STRN4: variants seen among roughly 807,000 people sequenced by gnomAD.
STRN4 encodes striatin 4.
A neutral mutation model predicts 77.9 loss-of-function variants in STRN4; 27 were observed. The observed-to-expected ratio is 0.35, with a 90% CI of 0.26 to 0.48. STRN4 has a LOEUF of 0.48. Ranked by LOEUF, STRN4 falls within the 20% of genes least tolerant of loss-of-function variation. The pLI is 0.99. For missense variants in STRN4, 798 were observed against 1,049.7 expected (o/e 0.76, Z 3.31); for synonymous variants, 466 against 443.1 (o/e 1.05, Z -0.65).
chr19:46,727,352 G>T, intron 9 of STRN4, 100 bp downstream of exon 9: 1 of 1,003,428 alleles, frequency 1.0e-6, no homozygotes, highest in Non-Finnish European at 1.5e-6. Context: ...CTGTGAAACA[G>T]GATGAGCAGG....
Position 46,746,370 on chromosome 19 carries a change from C to G in STRN4, c.61G>C (p.Gly21Arg). 1 of 1,146,972 alleles carries G rather than the reference C, an allele frequency of 8.7e-7. No individual in the cohort carries two copies. The highest frequency in any genetic ancestry group is 1.1e-6 in the Non-Finnish European group (1 of 935,296). The allele number at this position is 1,146,972 out of a possible 1,614,324, so 71.0% of individuals were successfully genotyped here. ...GTGGGGCCAGGGCCCGCGCCTGAGC[C>G]GAGCGGACGGCAGGAGGAGGCGGCG... ...AAAASSCRPLGSGAGPGPTGA... is the reference protein window; with the variant it reads ...AAAASSCRPLRSGAGPGPTGA... Residue 21 changes from glycine to arginine, a missense_variant, in exon 1 of 18, where the codon GGC becomes CGC. Around this residue, in one of 2 missense-constraint regions of STRN4, gnomAD observed 511 missense variants for 575.9 expected, o/e 0.89. Transcript: ENST00000263280.
At chr19:46,728,420 TG>T in intron 7 of STRN4, 197 bp downstream of exon 7, 1 of 725,632 alleles carries the variant, frequency 1.4e-6, no homozygotes, top group Non-Finnish European at 2.2e-6. Context: ...TGCGTCTCCA[TG>T]GGGATTTTCC....
intron 16 of STRN4, 153 bp downstream of exon 16, chr19:46,721,833 G>A (rs992028151): frequency 6.8e-5 from 50 of 733,946 alleles, no homozygotes; most frequent in Middle Eastern, 5.9e-4. Context: ...AGCGGACTGT[G>A]CTGCCCCCTA....
intron 1 of STRN4, among the ~76,000 whole-genome samples, chr19:46,743,199 C>T (rs532599993): frequency 3.3e-5 from 5 of 152,154 alleles, no homozygotes; most frequent in South Asian, 2.1e-4. Context: ...AGGAAAGGGA[C>T]GAAGAGAAGG....
rs914807321 is a variant in STRN4, at chr19:46,738,343, C to A, written c.387-106G>T. The A allele has an allele frequency of 1.2e-5, 13 of 1,047,538 alleles. No individual in the cohort carries two copies. In the African/African-American group the frequency reaches 2.0e-4, roughly 16 times the overall value. 64.9% of individuals were successfully genotyped at this position (1,047,538 alleles called of 1,614,324 possible). On this transcript the variant is annotated intron_variant, in intron 2 of 17. Transcript: ENST00000263280. This position sits in a 1 kb window ranked among gnomAD's most constrained non-coding sequence, Gnocchi z 4.5. Reference sequence around the variant, plus strand: ...AAACCCCAAATCACAGGGCCTCCCCCAGCTCGTCTACTACTGAGGCTGAAG... The same window carrying A: ...AAACCCCAAATCACAGGGCCTCCCCAAGCTCGTCTACTACTGAGGCTGAAG...
At chr19:46,734,977 CT>C (rs2054329917) in intron 4 of STRN4, among the ~76,000 whole-genome samples, 1 of 152,060 alleles carries the variant, frequency 6.6e-6, no homozygotes, top group Non-Finnish European at 1.5e-5. Context: ...GTTTGCAACT[CT>C]TTAACAGTGA....
rs755981758 is a variant in STRN4 at position 46,725,589 on chromosome 19, C to T, written c.1308G>A (p.Ser436=). 29 of 1,614,186 alleles carry T rather than the reference C, an allele frequency of 1.8e-5. No individual in the cohort carries two copies. The highest frequency in any genetic ancestry group is 1.7e-4 in the Middle Eastern group (1 of 6,060). Residue 436 remains serine, a synonymous_variant, in exon 10 of 18, where the codon TCG becomes TCA. Transcript: ENST00000263280. ...CCAGGGAACGAATGCCGTCGTAGTG[C>T]GAGCGCAGGGTGAACTTGGGGTTCC... ...KTWNPKFTLR[S]HYDGIRSLAF... is the part of the protein sequence containing the mutation.
chr19:46,746,244 G>A lies in STRN4; in HGVS notation c.187C>T (p.Leu63=), dbSNP rs2054606029. 2 of 1,506,794 alleles carry A rather than the reference G, an allele frequency of 1.3e-6. No homozygotes were observed. The highest frequency in any genetic ancestry group is 8.8e-7 in the Non-Finnish European group (1 of 1,135,974). 93.3% of individuals were successfully genotyped at this position (1,506,794 alleles called of 1,614,324 possible). ...AAGTGCAGGATCCCCGGCAGGCTCA[G>A]GGGCTCCGGGCCCGCCGTGGGCCCG... ...SPGPTAGPEP[L]SLPGILHFIQ... The change falls in exon 1 of 18, where the codon CTG becomes TTG. Residue 63 remains leucine (L), a synonymous_variant. Transcript: ENST00000263280.
intron 8 of STRN4, 172 bp downstream of exon 8, chr19:46,727,722 G>A (rs1255675892): frequency 1.3e-6 from 1 of 754,228 alleles, no homozygotes; most frequent in Non-Finnish European, 2.1e-6. Flanking sequence ...AGACAGGGCA[G>A]GACAGACAAA....
chr19:46,740,433 T>C (rs902353615), intron 1 of STRN4: 3 of 152,120 alleles, frequency 2.0e-5, no homozygotes, highest in African/African-American at 7.2e-5. Flanking sequence ...ACAGGGAAAC[T>C]ACTTATATGA....
At position 46,746,286 on chromosome 19, in the gene STRN4, C is replaced by A. The variant is rs2054610309; in HGVS notation, c.145G>T (p.Gly49Cys). The A allele has an allele frequency of 1.4e-6, 2 of 1,445,098 alleles. No individual in the cohort carries two copies. The highest frequency in any genetic ancestry group is 1.8e-6 in the Non-Finnish European group (2 of 1,101,504). The allele number at this position is 1,445,098 out of a possible 1,614,324, so 89.5% of individuals were successfully genotyped here. Residue 49 changes from glycine to cysteine, a missense_variant, in exon 1 of 18, where the codon GGC (glycine) becomes TGC (cysteine). Coordinates refer to ENST00000263280, the MANE Select transcript of STRN4 (RefSeq NM_013403.3). ...PGPGPAGKGG[G>C]GGGSPGPTAG... Reference sequence around the variant, plus strand: ...GTGGGCCCGGGGCTGCCTCCGCCGCCGCCTCCCTTACCTGCCGGGCCCGGC... The same window carrying A: ...GTGGGCCCGGGGCTGCCTCCGCCGCAGCCTCCCTTACCTGCCGGGCCCGGC...
intron 6 of STRN4, among the ~76,000 whole-genome samples, chr19:46,729,674 T>C (rs2054205630): frequency 6.6e-6 from 1 of 152,210 alleles, no homozygotes; most frequent in Non-Finnish European, 1.5e-5. Context: ...AATTGTGCTC[T>C]GCCAACAGTG....
chr19:46,728,474 G>C, intron 7 of STRN4, 144 bp downstream of exon 7: 1 of 1,164,616 alleles, frequency 8.6e-7, no homozygotes, highest in Non-Finnish European at 1.2e-6. Context: ...TGGGCCTCCT[G>C]CTCTCCTTGG....
chr19:46,725,202 A>T (rs536204613), intron 11 of STRN4, 130 bp downstream of exon 11: 1 of 1,305,084 alleles, frequency 7.7e-7, no homozygotes, highest in East Asian at 2.3e-5. Context: ...TATATCATGA[A>T]GGGGGCGGGG....
intron 11 of STRN4, among the ~76,000 whole-genome samples, 173 bp from the exon 12 acceptor site, chr19:46,725,101 C>T (rs1268435292): frequency 6.6e-6 from 1 of 152,138 alleles, no homozygotes; most frequent in African/African-American, 2.4e-5. Context: ...TCCCCCACCC[C>T]ACCTCCATCT....
At chr19:46,727,430 G>A (rs781588312) in intron 9 of STRN4, 22 bp downstream of exon 9, 4 of 1,602,220 alleles carry the variant, frequency 2.5e-6, no homozygotes, top group Admixed American at 1.7e-5. Flanking sequence ...GGGACAGTGT[G>A]GGGGGCACCC....
chr19:46,723,153 T>C lies in STRN4; in HGVS notation c.1726A>G (p.Ser576Gly). 6.4e-7 allele frequency: 1 copy of C among 1,566,996 alleles called. No homozygotes were observed. The highest frequency in any genetic ancestry group is 8.6e-7 in the Non-Finnish European group (1 of 1,156,834). Residue 576 changes from serine to glycine, a missense_variant, in exon 13 of 18, where the codon AGC (serine) becomes GGC (glycine). Ser to Gly is a moderately conservative substitution (Grantham distance 56). Transcript: ENST00000263280. The surrounding 1 kb of genome is among the most constrained non-coding windows in gnomAD (Gnocchi z 5.5). ...GTVRIWDPSS[S>G]SPACLCTFPT... The stretch of plus-strand genomic sequence containing the variant: ...AAGGTGCAGAGGCAGGCCGGGCTGC[T>C]GCTGCTGGGGTCCCAGATGCGGACG...
chr19:46,720,285 A>G lies in STRN4; in HGVS notation c.*120T>C, dbSNP rs2053944940. Reference sequence around the variant, plus strand: ...AGGGCCGTTAGCACCACCAGGCTCCATGGCAAACAGACAGAGGCCAGGCCT... The same window carrying G: ...AGGGCCGTTAGCACCACCAGGCTCCGTGGCAAACAGACAGAGGCCAGGCCT... On this transcript the variant is annotated 3_prime_UTR_variant, in exon 18 of 18. Coordinates refer to ENST00000263280, the MANE Select transcript of STRN4 (RefSeq NM_013403.3). The G allele has an allele frequency of 3.9e-6, 1 of 258,132 alleles. No homozygotes were observed. The allele number at this position is 258,132 out of a possible 1,614,324, so 16.0% of individuals were successfully genotyped here.
In STRN4 at chr19:46,733,125, T is replaced by A. The variant is rs977940913; in HGVS notation, c.651A>T (p.Glu217Asp). 16 of 1,612,752 alleles carry A rather than the reference T, an allele frequency of 9.9e-6. No individual in the cohort carries two copies. Among genetic ancestry groups the A allele is most frequent in the Non-Finnish European group, 1.3e-5 (15 of 1,179,950 alleles). The change falls in exon 5 of 18, where the codon GAA becomes GAT. Residue 217 changes from glutamate to aspartate, a missense_variant. Glu to Asp is a conservative substitution (Grantham distance 45, BLOSUM62 2). Coordinates refer to ENST00000263280, the MANE Select transcript of STRN4 (RefSeq NM_013403.3). This position sits in a 1 kb window ranked among gnomAD's most constrained non-coding sequence, Gnocchi z 4.3. ...LELNGAVEPS[E>D]GAPRAPPGPA... is the part of the protein sequence containing the mutation. ...GGCCTGGTGGAGCCCTGGGGGCCCCTTCACTCGGCTCCACTGCCCCGTTGA... is the reference window on the plus strand; with the variant it reads ...GGCCTGGTGGAGCCCTGGGGGCCCCATCACTCGGCTCCACTGCCCCGTTGA...
Sources: allele counts gnomAD v4.1 joint callset (sites outside exome capture counted in the v4.1 genomes callset), GRCh38; gene constraint gnomAD v4.1.1; regional missense constraint gnomAD v4.1.1; non-coding constraint Gnocchi (gnomAD v3.1); transcripts MANE v1.5; gene names NCBI Gene and HGNC (gene_info 2026-07-23, HGNC 2026-07-21).